MBD5: variants seen among roughly 807,000 people sequenced by gnomAD.
The protein encoded by MBD5 is methyl-CpG-binding domain protein 5.
Under a neutral mutation model 117.3 loss-of-function variants are expected in MBD5, and 13 were observed. That is an observed-to-expected ratio of 0.11 (90% CI 0.07 to 0.18). The LOEUF (loss-of-function observed/expected upper bound fraction) is 0.18. Among genes scored for constraint, MBD5 ranks in the 10% least tolerant of loss-of-function variants. The probability of loss-of-function intolerance (pLI) is 1.00; values close to 1 mark genes in which losing one functional copy is unlikely to be tolerated. For synonymous variants in MBD5, 727 were observed against 766.4 expected (o/e 0.95, Z 0.85); for missense variants, 1,879 against 2,093.8 (o/e 0.90, Z 2.00).
At chr2:148,263,104 G>A (rs911336237) in intron 3 of MBD5, among the ~76,000 whole-genome samples, 1 of 152,100 alleles carries the variant, frequency 6.6e-6, no homozygotes, top group African/African-American at 2.4e-5. Flanking sequence ...ACAATTTAGG[G>A]GAAAAGATGA....
In MBD5 at chr2:148,287,916, G is replaced by A. The variant is rs573920475; in HGVS notation, c.-679-54298G>A. Among the ~76,000 whole-genome samples, 289 of 152,190 alleles carry A rather than the reference G, an allele frequency of 1.9e-3. 1 individual carries two copies. Among genetic ancestry groups the A allele is most frequent in the African/African-American group, 6.5e-3 (271 of 41,536 alleles). ...TTTGGGGATTACATTTGCAACACAT[G>A]AACTTTGGGGGACGCACTCACTCTG... On this transcript the variant is annotated intron_variant, in intron 3 of 13. Transcript: ENST00000642680.
In MBD5 at chr2:148,065,767, CACTT is replaced by C. The variant is rs1446529766; in HGVS notation, c.-925+44085_-925+44088del. Among the ~76,000 whole-genome samples, 11 of 152,228 alleles carry C rather than the reference CACTT, an allele frequency of 7.2e-5. No homozygotes were observed. In the East Asian group the frequency reaches 1.9e-3, roughly 27 times the overall value. On this transcript the variant is annotated intron_variant, in intron 1 of 13. Coordinates refer to ENST00000642680, the MANE Select transcript of MBD5 (RefSeq NM_001378120.1). ...GAATTATAGACTTTTCAGTAGGAAA[CACTT>C]AAACTCTGAGCCTTATGTGAACTTT...
intron 4 of MBD5, among the ~76,000 whole-genome samples, chr2:148,425,707 C>T (rs189851861): frequency 9.2e-5 from 14 of 152,322 alleles, no homozygotes; most frequent in East Asian, 3.9e-4. Flanking sequence ...TCAGCTTCAT[C>T]GCAGGGATGC....
At chr2:148,447,178 G>GGAAGAAAGAAAGAAA (rs1706570693) in intron 4 of MBD5, among the ~76,000 whole-genome samples, 2 of 137,754 alleles carry the variant, frequency 1.5e-5, no homozygotes, top group African/African-American at 5.9e-5. Flanking sequence ...AAAGGAAGAA[G>GGAAGAAAGAAAGAAA]GAAAGAAAGA....
intron 3 of MBD5, among the ~76,000 whole-genome samples, chr2:148,278,301 T>G (rs1337688366): frequency 1.3e-5 from 2 of 152,224 alleles, no homozygotes; most frequent in African/African-American, 4.8e-5. Flanking sequence ...TGATCTGTTT[T>G]CATGAATGTT....
chr2:148,264,108 G>A (rs901213733), intron 3 of MBD5: 2 of 152,174 alleles, frequency 1.3e-5, no homozygotes, highest in East Asian at 1.9e-4. Context: ...TGAAATACCA[G>A]AAGAAATTTA....
intron 1 of MBD5, among the ~76,000 whole-genome samples, chr2:148,040,516 G>A (rs541591421): frequency 6.6e-6 from 1 of 152,176 alleles, no homozygotes; most frequent in South Asian, 2.1e-4. Flanking sequence ...TTACTTTGAT[G>A]TATATATGGG....
At chr2:148,417,821 C>CG (rs991882531) in intron 4 of MBD5, among the ~76,000 whole-genome samples, 13 of 149,420 alleles carry the variant, frequency 8.7e-5, no homozygotes, top group South Asian at 4.2e-4. Context: ...TTTTTTTGTG[C>CG]GGGGGGGTGT....
chr2:148,399,933 C>T (rs994435477), intron 4 of MBD5, among the ~76,000 whole-genome samples: 1 of 151,806 alleles, frequency 6.6e-6, no homozygotes, highest in African/African-American at 2.4e-5. Flanking sequence ...TTTCGTTGGT[C>T]CTGTTTATAT....
chr2:148,022,025 T>C (rs1279423338), intron 1 of MBD5, among the ~76,000 whole-genome samples: 1 of 152,180 alleles, frequency 6.6e-6, no homozygotes, highest in Admixed American at 6.5e-5. Flanking sequence ...AGAGGCACAC[T>C]TTCTAGATGT....
intron 1 of MBD5, among the ~76,000 whole-genome samples, chr2:148,154,978 CTTA>C (rs1284954257): frequency 6.6e-6 from 1 of 152,120 alleles, no homozygotes; most frequent in Non-Finnish European, 1.5e-5. Context: ...TTATTGAGTT[CTTA>C]TGAGGTTCTA....
At chr2:148,140,304 A>G (rs1288170856) in intron 1 of MBD5, among the ~76,000 whole-genome samples, 1 of 152,250 alleles carries the variant, frequency 6.6e-6, no homozygotes, top group Admixed American at 6.5e-5. Flanking sequence ...CTAAATTGAA[A>G]GCACCAAACA....
chr2:148,153,718 C>G (rs1395046277), intron 1 of MBD5, among the ~76,000 whole-genome samples: 5 of 146,700 alleles, frequency 3.4e-5, no homozygotes, highest in African/African-American at 1.3e-4. Context: ...ACCCTTTCTT[C>G]CAGTTGATCG....
chr2:148,289,305 A>T (rs1481522392), intron 3 of MBD5, among the ~76,000 whole-genome samples: 1 of 152,188 alleles, frequency 6.6e-6, no homozygotes, highest in East Asian at 1.9e-4. Flanking sequence ...GAAACTTATA[A>T]TGAGTTCTTC....
chr2:148,439,161 C>A (rs562147218), intron 4 of MBD5, among the ~76,000 whole-genome samples: 1 of 152,260 alleles, frequency 6.6e-6, no homozygotes, highest in Non-Finnish European at 1.5e-5. Context: ...CAGAAGTTGA[C>A]TTTCAGGATT....
At chr2:148,182,706 C>T (rs1698558750) in intron 2 of MBD5, among the ~76,000 whole-genome samples, 1 of 152,132 alleles carries the variant, frequency 6.6e-6, no homozygotes, top group South Asian at 2.1e-4. Context: ...TTCAGGTTTC[C>T]TTCTCAGCTT....
chr2:148,412,272 T>TGTGTGTGTGTGTGTG (rs1705276880), intron 4 of MBD5, among the ~76,000 whole-genome samples: 3 of 144,584 alleles, frequency 2.1e-5, no homozygotes, highest in African/African-American at 7.8e-5. Context: ...AGTATACTTT[T>TGTGTGTGTGTGTGTG]TGTGTGTGTG....
intron 3 of MBD5, among the ~76,000 whole-genome samples, chr2:148,282,992 C>T (rs1370474826): frequency 6.8e-6 from 1 of 147,162 alleles, no homozygotes; most frequent in Non-Finnish European, 1.5e-5. Flanking sequence ...CTGTATAGTA[C>T]TGAAAAATCA....
At chr2:148,056,455 T>C (rs1393647530) in intron 1 of MBD5, among the ~76,000 whole-genome samples, 1 of 152,070 alleles carries the variant, frequency 6.6e-6, no homozygotes, top group Non-Finnish European at 1.5e-5. Flanking sequence ...TACTCTTTTT[T>C]TCTTGTGGAT....
Sources: gnomAD v4.1 joint callset for allele counts (sites outside exome capture counted in the v4.1 genomes callset) on GRCh38, gnomAD v4.1.1 for gene constraint, MANE v1.5 for transcripts, NCBI Gene and HGNC (gene_info 2026-07-23, HGNC 2026-07-21) for gene names.